Variants in OSGEP observed in about 807,000 individuals in gnomAD.
The protein encoded by OSGEP is O-sialoglycoprotein endopeptidase.
A neutral mutation model predicts 44.1 loss-of-function variants in OSGEP; 39 were observed. The ratio of observed to expected loss-of-function variants is 0.88; its 90% CI spans 0.69 to 1.16. The LOEUF (loss-of-function observed/expected upper bound fraction) is 1.16, where lower values mean the gene tolerates loss of function less well. Among genes scored for constraint, OSGEP ranks in the 50% most tolerant of loss-of-function variants. The pLI, the probability that OSGEP is intolerant of heterozygous loss-of-function variation, is 0.00. For synonymous variants in OSGEP, 139 were observed against 161.9 expected (o/e 0.86, Z 1.07); for missense variants, 403 against 443.1 (o/e 0.91, Z 0.81).
In OSGEP at chr14:20,447,018, T is replaced by C; in HGVS notation, c.*222A>G. 2.1e-6 allele frequency: 1 copy of C among 474,200 alleles called. No individual in the cohort carries two copies. Among genetic ancestry groups the C allele is most frequent in the African/African-American group, 2.0e-5 (1 of 50,748 alleles). 29.4% of individuals were successfully genotyped at this position (474,200 alleles called of 1,614,324 possible). On this transcript the variant is annotated 3_prime_UTR_variant, in exon 11 of 11. Transcript: ENST00000206542. Reference sequence around the variant, plus strand: ...CAACAAGAATTTATCCAGCACCAAATCTACATTGGTCCTGAACAACACAAT... The same window carrying C: ...CAACAAGAATTTATCCAGCACCAAACCTACATTGGTCCTGAACAACACAAT...
At chr14:20,451,053 G>A (rs557926501) in intron 3 of OSGEP, among the ~76,000 whole-genome samples, 1 of 152,132 alleles carries the variant, frequency 6.6e-6, no homozygotes, top group Admixed American at 6.5e-5. Context: ...AGGTTGCAAT[G>A]AGCCAAGGTT....
chr14:20,447,242 A>C lies in OSGEP; in HGVS notation c.1006T>G (p.Ter336GluextTer1). 1.2e-6 allele frequency: 2 copies of C among 1,613,596 alleles called. No homozygotes were observed. The highest frequency in any genetic ancestry group is 2.2e-5 in the East Asian group (1 of 44,884). The change falls in exon 11 of 11, where the codon TAA becomes GAA. Residue 336 changes from the stop codon to glutamate (E), a stop_lost. Coordinates refer to ENST00000206542, the MANE Select transcript of OSGEP (RefSeq NM_017807.4). ...CTACTCTGATTCTGTTGATCTTATT[A>C]GTCCCTCCAGGTCACCTCTACTTCA... is the stretch of plus-strand genomic sequence containing the variant. ...TDEVEVTWRD* is the reference protein window; with the variant it reads ...TDEVEVTWRDE
chr14:20,454,502 G>A, intron 1 of OSGEP, 67 bp downstream of exon 1: 1 of 1,074,798 alleles, frequency 9.3e-7, no homozygotes, highest in Non-Finnish European at 1.5e-6. Context: ...CTAGTATTTA[G>A]GAAGATGGAA....
At chr14:20,452,844 G>A (rs1881140175) in intron 1 of OSGEP, among the ~76,000 whole-genome samples, 1 of 151,814 alleles carries the variant, frequency 6.6e-6, no homozygotes, top group Non-Finnish European at 1.5e-5. Context: ...CTGAGTAGCT[G>A]GGACTACAGG....
rs1880964068 is a variant in OSGEP, at chr14:20,447,031, T to C, written c.*209A>G. ...TCCAGCACCAAATCTACATTGGTCC[T>C]GAACAACACAATCCAATCACCAACA... On this transcript the variant is annotated 3_prime_UTR_variant, in exon 11 of 11. Transcript: ENST00000206542. 1 of 556,816 alleles carries C rather than the reference T, an allele frequency of 1.8e-6. No individual in the cohort carries two copies. The highest frequency in any genetic ancestry group is 3.2e-6 in the Non-Finnish European group (1 of 311,164). The allele number at this position is 556,816 out of a possible 1,614,324, so 34.5% of individuals were successfully genotyped here.
intron 3 of OSGEP, 51 bp downstream of exon 3, chr14:20,451,923 T>C (rs760809264): frequency 6.3e-6 from 9 of 1,431,836 alleles, no homozygotes; most frequent in Middle Eastern, 2.5e-4. Flanking sequence ...AAGAAAATAC[T>C]GGTTCAGTGC....
rs760090625 is a variant in OSGEP at position 20,447,975 on chromosome 14, A to G, written c.722T>C (p.Leu241Pro). 9.9e-6 allele frequency: 16 copies of G among 1,613,884 alleles called. No individual in the cohort carries two copies. Among genetic ancestry groups the G allele is most frequent in the Non-Finnish European group, 1.4e-5 (16 of 1,179,838 alleles). ...CATGGCTCGCTCTGTGATCTCTACC[A>G]GCATTGCAAACACAGTTTCCTGTCA... Reference protein sequence around the residue: ...FSLQETVFAMLVEITERAMAH... With the variant: ...FSLQETVFAMPVEITERAMAH... The change falls in exon 8 of 11, where the codon CTG becomes CCG. Residue 241 changes from leucine to proline, a missense_variant. Physicochemically the swap from Leu to Pro is moderately conservative, Grantham distance 98. Coordinates refer to ENST00000206542, the MANE Select transcript of OSGEP (RefSeq NM_017807.4).
chr14:20,449,239 G>A lies in OSGEP; in HGVS notation c.439C>T (p.Arg147Cys), dbSNP rs145487967. ...ATATCGATGGTTTCCCCAAAGATAC[G>A]GTAACGATGTTCCGAGTATGCAATC... Reference protein sequence around the residue: ...QVIAYSEHRYRIFGETIDIAV... With the variant: ...QVIAYSEHRYCIFGETIDIAV... Residue 147 changes from arginine to cysteine, a missense_variant, in exon 4 of 11, where the codon CGT (arginine) becomes TGT (cysteine). Coordinates refer to ENST00000206542, the MANE Select transcript of OSGEP (RefSeq NM_017807.4). The A allele has an allele frequency of 1.4e-5, 23 of 1,611,658 alleles. No homozygotes were observed. Among genetic ancestry groups the A allele is most frequent in the African/African-American group, 1.3e-4 (10 of 74,962 alleles).
At chr14:20,449,138 C>T (rs1283169416) in intron 4 of OSGEP, 33 bp downstream of exon 4, 2 of 1,555,118 alleles carry the variant, frequency 1.3e-6, no homozygotes, top group Admixed American at 3.3e-5. Flanking sequence ...AATTCACCCA[C>T]ATTTTATGTT....
At chr14:20,448,635 T>C in intron 6 of OSGEP, 98 bp downstream of exon 6, 1 of 834,720 alleles carries the variant, frequency 1.2e-6, no homozygotes, top group Non-Finnish European at 2.0e-6. Context: ...CTGTGCTACA[T>C]GAATATACTG....
At chr14:20,451,723 T>C in intron 3 of OSGEP, 1 of 360,250 alleles carries the variant, frequency 2.8e-6, no homozygotes, top group Non-Finnish European at 5.0e-6. Flanking sequence ...TTCATTCCTT[T>C]CCTGAAGTAG....
intron 1 of OSGEP, 66 bp downstream of exon 1, chr14:20,454,503 G>A (rs1267577440): frequency 9.2e-7 from 1 of 1,082,606 alleles, no homozygotes; most frequent in Non-Finnish European, 1.4e-6. Flanking sequence ...TAGTATTTAG[G>A]AAGATGGAAG....
At chr14:20,454,055 G>A (rs1222751213) in intron 1 of OSGEP, among the ~76,000 whole-genome samples, 1 of 152,038 alleles carries the variant, frequency 6.6e-6, no homozygotes, top group African/African-American at 2.4e-5. Context: ...AAGACCAAAT[G>A]TCCAAAACAA....
At position 20,446,699 on chromosome 14, in the gene OSGEP, GC is replaced by G. The variant is rs2139288190; in HGVS notation, c.*540del. Reference sequence around the variant, plus strand: ...GATCCTCCTGACTTGGCCTCCCACAGCACTGGGATAACAGGTGTGAGCCTCC... The same window carrying G: ...GATCCTCCTGACTTGGCCTCCCACAGACTGGGATAACAGGTGTGAGCCTCC... On this transcript the variant is annotated 3_prime_UTR_variant, in exon 11 of 11. Transcript: ENST00000206542. 1.3e-5 allele frequency: 2 copies of G among 153,414 alleles called. No individual in the cohort carries two copies. Among genetic ancestry groups the G allele is most frequent in the South Asian group, 4.1e-4 (2 of 4,890 alleles). 9.5% of individuals were successfully genotyped at this position (153,414 alleles called of 1,614,324 possible). A position where few individuals can be genotyped will look rare whatever the true frequency, so the allele number is the denominator to read the frequency against.
chr14:20,448,089 G>C lies in OSGEP; in HGVS notation c.702+17C>G. The C allele has an allele frequency of 3.7e-6, 6 of 1,610,042 alleles. No individual in the cohort carries two copies. Among genetic ancestry groups the C allele is most frequent in the Non-Finnish European group, 5.1e-6 (6 of 1,176,216 alleles). On this transcript the variant is annotated intron_variant, in intron 7 of 10. Coordinates refer to ENST00000206542, the MANE Select transcript of OSGEP (RefSeq NM_017807.4). Reference sequence around the variant, plus strand: ...CCTTCAGCCCCAACTTTCTGTCCCAGTTTTTTACTGCATTACCTGCAGGGA... The same window carrying C: ...CCTTCAGCCCCAACTTTCTGTCCCACTTTTTTACTGCATTACCTGCAGGGA...
At position 20,446,964 on chromosome 14, in the gene OSGEP, C is replaced by A; in HGVS notation, c.*276G>T. The A allele has an allele frequency of 2.0e-5, 8 of 397,520 alleles. No individual in the cohort carries two copies. The highest frequency in any genetic ancestry group is 3.1e-5 in the Non-Finnish European group (7 of 222,746). 24.6% of individuals were successfully genotyped at this position (397,520 alleles called of 1,614,324 possible). ...TTCTTAAAAAAAAAAAAAAAGATAC[C>A]TCATTCTTGGTTCCACAGCAGCAAG... On this transcript the variant is annotated 3_prime_UTR_variant, in exon 11 of 11. Coordinates refer to ENST00000206542, the MANE Select transcript of OSGEP (RefSeq NM_017807.4).
At position 20,452,699 on chromosome 14, in the gene OSGEP, T is replaced by C. The variant is rs115013627; in HGVS notation, c.116-251A>G. 8.2e-3 allele frequency among the ~76,000 whole-genome samples: 1,178 copies of C among 143,874 alleles called. 10 individuals carry two copies. Among genetic ancestry groups the C allele is most frequent in the African/African-American group, 0.029 (1,129 of 39,546 alleles). The allele number at this position is 143,874 out of a possible 152,430, so 94.4% of individuals were successfully genotyped here. ...TGCAAGTAGTATCTACCTCATACCC[T>C]TTCGTGATCTTTTTTTTTTTTTTTT... On this transcript the variant is annotated intron_variant, in intron 1 of 10. Transcript: ENST00000206542.
intron 1 of OSGEP, among the ~76,000 whole-genome samples, chr14:20,453,458 C>A (rs1209236390): frequency 1.3e-5 from 2 of 151,900 alleles, no homozygotes; most frequent in African/African-American, 4.8e-5. Context: ...CCTCTGTCTC[C>A]CGGGTTCACG....
chr14:20,452,005 G>T lies in OSGEP; in HGVS notation c.380C>A (p.Thr127Asn). 6.2e-7 allele frequency: 1 copy of T among 1,612,026 alleles called. No homozygotes were observed. The highest frequency in any genetic ancestry group is 8.5e-7 in the Non-Finnish European group (1 of 1,179,040). ...GRLITGATSP[T>N]VLYVSGGNTQ... is the part of the protein sequence containing the mutation. ...ATTTCCTCCACTCACATACAACACG[G>T]TTGGGCTGGTGGCTCCAGTGATGAG... The change falls in exon 3 of 11, where the codon ACC (threonine) becomes AAC (asparagine). Residue 127 changes from threonine to asparagine, a missense_variant. Thr to Asn is a moderately conservative substitution (Grantham distance 65, BLOSUM62 0). Transcript: ENST00000206542.
Sources: gnomAD v4.1 joint callset for allele counts (sites outside exome capture counted in the v4.1 genomes callset) on GRCh38, gnomAD v4.1.1 for gene constraint, MANE v1.5 for transcripts, NCBI Gene and HGNC (gene_info 2026-07-23, HGNC 2026-07-21) for gene names.